GABRB2: variants seen among roughly 807,000 people sequenced by gnomAD.
GABRB2 encodes gamma-aminobutyric acid receptor subunit beta-2.
GABRB2 carries 16 observed loss-of-function variants against 54.7 expected under a neutral mutation model. That is an observed-to-expected ratio of 0.29 (90% CI 0.20 to 0.44). The LOEUF (loss-of-function observed/expected upper bound fraction) is 0.44. GABRB2 is among the 20% of genes least tolerant of loss of function. The pLI is 1.00. For missense variants in GABRB2, 355 were observed against 644.0 expected, an observed-to-expected ratio of 0.55 and a Z score of 4.86; for synonymous variants, 244 against 233.8, an observed-to-expected ratio of 1.04 and a Z score of -0.40.
intron 3 of GABRB2, among the ~76,000 whole-genome samples, chr5:161,485,294 C>T (rs1758885913): frequency 6.6e-6 from 1 of 151,788 alleles, no homozygotes; most frequent in Non-Finnish European, 1.5e-5. Flanking sequence ...TTGCTATTTC[C>T]CCCAGTGGTC....
At chr5:161,443,304 C>A (rs908155792) in intron 4 of GABRB2, among the ~76,000 whole-genome samples, 7 of 152,208 alleles carry the variant, frequency 4.6e-5, no homozygotes, top group African/African-American at 1.7e-4. Context: ...ATTTCAACAA[C>A]AATAACACTT....
At chr5:161,527,846 C>T (rs1488468121) in intron 3 of GABRB2, among the ~76,000 whole-genome samples, 2 of 149,628 alleles carry the variant, frequency 1.3e-5, no homozygotes, top group Non-Finnish European at 3.0e-5. Flanking sequence ...AGGTGTGACA[C>T]AGGTGGTGTG....
chr5:161,526,730 C>A (rs924720364), intron 3 of GABRB2, among the ~76,000 whole-genome samples: 1 of 151,090 alleles, frequency 6.6e-6, no homozygotes, highest in Non-Finnish European at 1.5e-5. Flanking sequence ...TATAAGAATC[C>A]CATTGACAAT....
chr5:161,456,982 T>G (rs962851449), intron 4 of GABRB2, among the ~76,000 whole-genome samples: 8 of 152,228 alleles, frequency 5.3e-5, no homozygotes, highest in Non-Finnish European at 1.0e-4. Flanking sequence ...TAACTTTAAC[T>G]GAATTCCTTT....
intron 5 of GABRB2, among the ~76,000 whole-genome samples, chr5:161,409,591 C>A (rs572014344): frequency 1.3e-5 from 2 of 152,032 alleles, no homozygotes; most frequent in Non-Finnish European, 2.9e-5. Context: ...AAAAAATGCT[C>A]TTATGTTCTC....
chr5:161,494,538 C>CGTGT lies in GABRB2; in HGVS notation c.238-34698_238-34695dup, dbSNP rs35292247. Among the ~76,000 whole-genome samples the CGTGT allele has an allele frequency of 1.6e-3, 229 of 146,242 alleles. 2 individuals carry two copies. In the East Asian group the frequency reaches 0.019, roughly 12 times the overall value. ...GGGAATATATTTACTGTTAGGTATG[C>CGTGT]GTGTGTGTGTGTGTGTGTGTGTGTG... On this transcript the variant is annotated intron_variant, in intron 3 of 9. Transcript: ENST00000393959.
At chr5:161,476,821 C>A (rs1189051987) in intron 3 of GABRB2, among the ~76,000 whole-genome samples, 1 of 151,712 alleles carries the variant, frequency 6.6e-6, no homozygotes, top group Non-Finnish European at 1.5e-5. Context: ...AATGTAAGAC[C>A]TAAAGTTATA....
chr5:161,516,864 C>T (rs1263933306), intron 3 of GABRB2, among the ~76,000 whole-genome samples: 1 of 152,074 alleles, frequency 6.6e-6, no homozygotes, highest in South Asian at 2.1e-4. Context: ...AAAGCTCTGA[C>T]CCAAGAACTG....
At chr5:161,455,968 T>G (rs562824235) in intron 4 of GABRB2, among the ~76,000 whole-genome samples, 8 of 152,322 alleles carry the variant, frequency 5.3e-5, no homozygotes, top group African/African-American at 1.7e-4. Context: ...ACCTGAAGAT[T>G]TCACTGAAGA....
In GABRB2 at chr5:161,294,065, A is replaced by T. The variant is rs771004037; in HGVS notation, c.*16T>A. On this transcript the variant is annotated 3_prime_UTR_variant, in exon 10 of 10. Transcript: ENST00000393959. ...GAGGAGGAATCTAGTCCTTGCTTCC[A>T]GTGGGAGGCCATGTTTTAGTTCACA... The T allele has an allele frequency of 6.1e-5, 96 of 1,585,916 alleles. No homozygotes were observed. The highest frequency in any genetic ancestry group is 2.6e-4 in the African/African-American group (19 of 74,206).
intron 4 of GABRB2, among the ~76,000 whole-genome samples, chr5:161,435,085 A>G (rs962439077): frequency 6.6e-6 from 1 of 152,168 alleles, no homozygotes; most frequent in Non-Finnish European, 1.5e-5. Flanking sequence ...TCTAGTTATT[A>G]TTATAGATTT....
rs1757283794 is a variant in GABRB2 at position 161,293,258 on chromosome 5, T to G, written c.*823A>C. The G allele has an allele frequency of 6.6e-6, 1 of 152,268 alleles. No individual in the cohort carries two copies. Among genetic ancestry groups the G allele is most frequent in the Admixed American group, 6.5e-5 (1 of 15,280 alleles). The allele number at this position is 152,268 out of a possible 1,614,324, so 9.4% of individuals were successfully genotyped here. ...CTAGACACAGTATGTATAGACCAGATGCTGTGTGGAGCTGATAAGGGTCAT... is the reference window on the plus strand; with the variant it reads ...CTAGACACAGTATGTATAGACCAGAGGCTGTGTGGAGCTGATAAGGGTCAT... On this transcript the variant is annotated 3_prime_UTR_variant, in exon 10 of 10. Coordinates refer to ENST00000393959, the MANE Select transcript of GABRB2 (RefSeq NM_001371727.1).
At chr5:161,315,559 C>T (rs948319189) in intron 9 of GABRB2, among the ~76,000 whole-genome samples, 1 of 151,964 alleles carries the variant, frequency 6.6e-6, no homozygotes, top group Non-Finnish European at 1.5e-5. Flanking sequence ...TCTAATGTGC[C>T]TGACTGCTTG....
intron 5 of GABRB2, among the ~76,000 whole-genome samples, chr5:161,391,908 C>T (rs1474811919): frequency 6.6e-6 from 1 of 152,146 alleles, no homozygotes; most frequent in Non-Finnish European, 1.5e-5. Context: ...TATTATGTTC[C>T]CACACCAGGG....
intron 3 of GABRB2, among the ~76,000 whole-genome samples, chr5:161,473,700 C>A (rs1318390233): frequency 9.2e-5 from 14 of 151,982 alleles, no homozygotes; most frequent in Admixed American, 8.5e-4. Context: ...ACATTTTTAT[C>A]ATTAATAGAA....
At chr5:161,529,477 C>T (rs1277963569) in intron 3 of GABRB2, among the ~76,000 whole-genome samples, 1 of 151,990 alleles carries the variant, frequency 6.6e-6, no homozygotes, top group East Asian at 1.9e-4. Context: ...CCAGCACTTT[C>T]TAGCTGTAGC....
At chr5:161,423,601 G>C (rs936280500) in intron 4 of GABRB2, among the ~76,000 whole-genome samples, 11 of 152,102 alleles carry the variant, frequency 7.2e-5, no homozygotes, top group Non-Finnish European at 1.3e-4. Context: ...GAACTTAATA[G>C]AATGTTTGTT....
intron 5 of GABRB2, among the ~76,000 whole-genome samples, chr5:161,368,281 T>G (rs1248335768): frequency 6.6e-6 from 1 of 152,052 alleles, no homozygotes; most frequent in Non-Finnish European, 1.5e-5. Context: ...TTTCTGAAAT[T>G]AACTGCTGAA....
chr5:161,545,496 T>A (rs1464779743), intron 2 of GABRB2, among the ~76,000 whole-genome samples: 2 of 149,728 alleles, frequency 1.3e-5, no homozygotes, highest in Non-Finnish European at 3.0e-5. Context: ...CTGTATTGAA[T>A]ATGCACACAC....
Sources: gnomAD v4.1 joint callset for allele counts (sites outside exome capture counted in the v4.1 genomes callset) on GRCh38, gnomAD v4.1.1 for gene constraint, MANE v1.5 for transcripts, NCBI Gene and HGNC (gene_info 2026-07-23, HGNC 2026-07-21) for gene names.